Variants in SPEF2 observed in about 807,000 individuals in gnomAD.
The protein encoded by SPEF2 is sperm flagellar and cilia associated 2.
SPEF2 carries 187 observed loss-of-function variants against 224.6 expected under a neutral mutation model. That is an observed-to-expected ratio of 0.83 (90% CI 0.74 to 0.94). The LOEUF (loss-of-function observed/expected upper bound fraction) is 0.94. Ranked by LOEUF, SPEF2 falls within the 40% of genes least tolerant of loss-of-function variation. The pLI is 0.00. For missense variants in SPEF2, 2,170 were observed against 2,135.6 expected (o/e 1.02, Z -0.32); for synonymous variants, 715 against 707.3 (o/e 1.01, Z -0.17).
chr5:35,760,574 C>G (rs1385358755), intron 25 of SPEF2, among the ~76,000 whole-genome samples: 2 of 152,076 alleles, frequency 1.3e-5, no homozygotes, highest in Non-Finnish European at 2.9e-5. Context: ...AGTCTAACAT[C>G]AGATTTCTGC....
chr5:35,736,059 A>G (rs1746538045), intron 21 of SPEF2, among the ~76,000 whole-genome samples: 1 of 152,226 alleles, frequency 6.6e-6, no homozygotes, highest in African/African-American at 2.4e-5. Flanking sequence ...ATTAAAAGAT[A>G]AAATTAAAAA....
rs70973054 is a variant in SPEF2, at chr5:35,715,816, C to CCTTTTTTTTTTTT, written c.2914+2930_2914+2931insCTTTTTTTTTTTT. Among the ~76,000 whole-genome samples, 11 of 117,936 alleles carry CCTTTTTTTTTTTT rather than the reference C, an allele frequency of 9.3e-5. 4 individuals are homozygous for CCTTTTTTTTTTTT. The highest frequency in any genetic ancestry group is 5.1e-5 in the Non-Finnish European group (3 of 58,974). 77.4% of individuals were successfully genotyped at this position (117,936 alleles called of 152,430 possible). A position where few individuals can be genotyped will look rare whatever the true frequency, so the allele number is the denominator to read the frequency against. On this transcript the variant is annotated intron_variant, in intron 20 of 36. Transcript: ENST00000356031. ...TCTGTGAAATAGGGGGATATAATTT[C>CCTTTTTTTTTTTT]TTTTTTTTTTTTTTTTTGAGACAGA...
At chr5:35,740,415 C>A in intron 23 of SPEF2, 148 bp downstream of exon 23, 2 of 1,060,616 alleles carry the variant, frequency 1.9e-6, no homozygotes, top group East Asian at 2.5e-5. Context: ...CTTTCAAGAG[C>A]AGTGGCTTTT....
chr5:35,793,438 G>A, intron 32 of SPEF2, 97 bp downstream of exon 32: 2 of 1,251,446 alleles, frequency 1.6e-6, no homozygotes, highest in East Asian at 2.6e-5. Flanking sequence ...TCTCAGGCCA[G>A]TGCATTGCTT....
chr5:35,719,047 G>A (rs1743139332), intron 20 of SPEF2, among the ~76,000 whole-genome samples: 1 of 152,144 alleles, frequency 6.6e-6, no homozygotes, highest in Non-Finnish European at 1.5e-5. Flanking sequence ...TAGCTGCCTT[G>A]GTCTTACTTT....
chr5:35,784,086 C>T (rs541851746), intron 30 of SPEF2, among the ~76,000 whole-genome samples: 1 of 152,036 alleles, frequency 6.6e-6, no homozygotes, highest in East Asian at 1.9e-4. Flanking sequence ...CTCTAAGAAG[C>T]TGACAAGGAC....
chr5:35,760,842 T>C (rs1181152458), intron 25 of SPEF2, among the ~76,000 whole-genome samples: 1 of 151,990 alleles, frequency 6.6e-6, no homozygotes, highest in African/African-American at 2.4e-5. Flanking sequence ...AAAGTAAGAA[T>C]TAAAATAAAG....
chr5:35,700,925 C>T (rs1161103022), intron 16 of SPEF2, among the ~76,000 whole-genome samples, 173 bp downstream of exon 16: 1 of 152,164 alleles, frequency 6.6e-6, no homozygotes, highest in East Asian at 1.9e-4. Flanking sequence ...TAGCATTCAG[C>T]GCTGTGGGCA....
chr5:35,646,883 G>C (rs2149415998), intron 5 of SPEF2, 76 bp downstream of exon 5: 104 of 1,458,168 alleles, frequency 7.1e-5, no homozygotes, highest in Middle Eastern at 2.3e-4. Context: ...CATATAGAGA[G>C]ACTTTCCAAA....
intron 10 of SPEF2, among the ~76,000 whole-genome samples, chr5:35,684,252 C>T (rs145334748): frequency 2.0e-5 from 3 of 152,298 alleles, no homozygotes; most frequent in African/African-American, 7.2e-5. Flanking sequence ...TCTCTTTTCA[C>T]TCGTCATGTT....
intron 10 of SPEF2, chr5:35,670,600 A>C: frequency 1.0e-6 from 1 of 987,530 alleles, no homozygotes; most frequent in Non-Finnish European, 1.2e-6. Context: ...ATCAATCTAA[A>C]TAATAGACTT....
rs1400716800 is a variant in SPEF2, at chr5:35,806,935, G to A, written c.5239G>A (p.Glu1747Lys). ...SNRFASHLKI[E>K]NIYAEGFIKT... Reference sequence around the variant, plus strand: ...TAGATTTGCCAGCCACCTAAAGATAGAGAACATTTATGCAGAGGTTGGTTA... The same window carrying A: ...TAGATTTGCCAGCCACCTAAAGATAAAGAACATTTATGCAGAGGTTGGTTA... The change falls in exon 35 of 37, where the codon GAG becomes AAG. Residue 1747 changes from glutamate to lysine, a missense_variant. Coordinates refer to ENST00000356031, the MANE Select transcript of SPEF2 (RefSeq NM_024867.4). 1.9e-6 allele frequency: 3 copies of A among 1,608,490 alleles called. No individual in the cohort carries two copies. Among genetic ancestry groups the A allele is most frequent in the Admixed American group, 1.7e-5 (1 of 59,042 alleles).
At chr5:35,808,411 C>A (rs948006747) in intron 36 of SPEF2, among the ~76,000 whole-genome samples, 7 of 152,030 alleles carry the variant, frequency 4.6e-5, no homozygotes, top group African/African-American at 1.7e-4. Flanking sequence ...TCCCCCACCC[C>A]ATGACAGGCC....
rs535831877 is a variant in SPEF2, at chr5:35,753,660, C to T, written c.3367C>T (p.Arg1123Trp). The T allele has an allele frequency of 4.0e-5, 65 of 1,613,942 alleles. No individual in the cohort carries two copies. The Admixed American group carries it at 9.2e-4, about 23-fold the overall frequency. Residue 1123 changes from arginine to tryptophan, a missense_variant, in exon 24 of 37, where the codon CGG becomes TGG. Coordinates refer to ENST00000356031, the MANE Select transcript of SPEF2 (RefSeq NM_024867.4). ...RDRLWDICDA[R>W]KEEAEQERLD... is the part of the protein sequence containing the mutation. Reference sequence around the variant, plus strand: ...CCGCCTGTGGGACATTTGTGATGCCCGGAAGGAAGAGGCGGAGCAGGAGCG... The same window carrying T: ...CCGCCTGTGGGACATTTGTGATGCCTGGAAGGAAGAGGCGGAGCAGGAGCG...
At chr5:35,666,705 G>T (rs1750519888) in intron 8 of SPEF2, among the ~76,000 whole-genome samples, 1 of 152,140 alleles carries the variant, frequency 6.6e-6, no homozygotes, top group African/African-American at 2.4e-5. Flanking sequence ...GGTCAGCTAT[G>T]CTTAGGGTCT....
intron 24 of SPEF2, among the ~76,000 whole-genome samples, chr5:35,757,317 G>A (rs1750606204): frequency 1.3e-5 from 2 of 151,942 alleles, no homozygotes; most frequent in African/African-American, 4.8e-5. Flanking sequence ...GTAAGCCTAA[G>A]GCACAGATAA....
At chr5:35,656,178 A>G (rs1494584) in intron 7 of SPEF2, among the ~76,000 whole-genome samples, 92,078 of 151,954 alleles carry the variant, frequency 0.61, 28,608 homozygotes, top group East Asian at 0.74. Context: ...TGGGGTGGGC[A>G]GTGATTTCAG....
intron 20 of SPEF2, among the ~76,000 whole-genome samples, chr5:35,723,139 G>C (rs190815805): frequency 1.1e-3 from 161 of 152,246 alleles, no homozygotes; most frequent in African/African-American, 3.6e-3. Context: ...ACTTCCCAAG[G>C]CTTCACCCCA....
chr5:35,643,513 G>T (rs10941252), intron 3 of SPEF2: 32 of 455,822 alleles, frequency 7.0e-5, no homozygotes, highest in South Asian at 5.0e-4. Flanking sequence ...AGAGACTGGG[G>T]CCACTTATCA....
Sources: gnomAD v4.1 joint callset for allele counts (sites outside exome capture counted in the v4.1 genomes callset) on GRCh38, gnomAD v4.1.1 for gene constraint, MANE v1.5 for transcripts, NCBI Gene and HGNC (gene_info 2026-07-23, HGNC 2026-07-21) for gene names.